OCLN: variants seen among roughly 807,000 people sequenced by gnomAD.
The protein encoded by OCLN is occludin.
Under a neutral mutation model 47.9 loss-of-function variants are expected in OCLN, and 21 were observed. The observed-to-expected ratio is 0.44, with a 90% confidence interval of 0.31 to 0.63. The LOEUF is 0.63. OCLN is among the 30% of genes least tolerant of loss of function. The pLI, the probability that OCLN is intolerant of heterozygous loss-of-function variation, is 0.08. For synonymous variants in OCLN, 117 were observed against 198.4 expected, an observed-to-expected ratio of 0.59 and a Z score of 3.45; for missense variants, 360 against 571.0, an observed-to-expected ratio of 0.63 and a Z score of 3.77.
intron 1 of OCLN, among the ~76,000 whole-genome samples, chr5:69,503,069 G>A: frequency 6.6e-6 from 1 of 152,144 alleles, no homozygotes; most frequent in East Asian, 1.9e-4. Flanking sequence ...AATCAACCAT[G>A]GAGGGTCGTT....
intron 4 of OCLN, among the ~76,000 whole-genome samples, chr5:69,525,253 C>T (rs550327620): frequency 3.4e-4 from 51 of 151,482 alleles, no homozygotes; most frequent in Non-Finnish European, 6.2e-4. Flanking sequence ...TACAGGTGCC[C>T]GCCACCACAC....
intron 1 of OCLN, among the ~76,000 whole-genome samples, chr5:69,502,876 T>C (rs1768498299): frequency 6.6e-6 from 1 of 152,194 alleles, no homozygotes; most frequent in Non-Finnish European, 1.5e-5. Flanking sequence ...TAACACCAGA[T>C]GTGCACTCCC....
intron 2 of OCLN, among the ~76,000 whole-genome samples, chr5:69,505,190 A>G (rs1768565258): frequency 1.3e-5 from 2 of 152,124 alleles, no homozygotes; most frequent in African/African-American, 4.8e-5. Context: ...GCGGAGGTTG[A>G]GGTGAGCTGA....
intron 1 of OCLN, among the ~76,000 whole-genome samples, chr5:69,502,675 A>G (rs1030948622): frequency 1.3e-5 from 2 of 152,188 alleles, no homozygotes; most frequent in Non-Finnish European, 2.9e-5. Context: ...TCTGTAGCTG[A>G]TGTGGGAAGT....
intron 4 of OCLN, among the ~76,000 whole-genome samples, chr5:69,529,532 C>A (rs1430172014): frequency 6.6e-6 from 1 of 152,128 alleles, no homozygotes; most frequent in Non-Finnish European, 1.5e-5. Context: ...ATTAATAATT[C>A]ATACTCCTTA....
Position 69,493,119 on chromosome 5 carries a change from G to C in OCLN, c.-69+219G>C, listed in dbSNP as rs958634065. On this transcript the variant is annotated intron_variant, in intron 1 of 8. Coordinates refer to ENST00000396442, the MANE Select transcript of OCLN (RefSeq NM_001205254.2). The surrounding 1 kb of genome is among the most constrained non-coding windows in gnomAD (Gnocchi z 5.3). ...TGGGAGGCTGCCTCCTGGGGCGAGG[G>C]GTGGCTTGGAGCCGCCGATCAAGCT... Among the ~76,000 whole-genome samples the C allele has an allele frequency of 6.6e-6, 1 of 152,174 alleles. No homozygotes were observed. The highest frequency in any genetic ancestry group is 1.5e-5 in the Non-Finnish European group (1 of 68,032).
rs1234114902 is a variant in OCLN at position 69,548,489 on chromosome 5, A to AT, written c.1425+400dup. Among the ~76,000 whole-genome samples the AT allele has an allele frequency of 3.4e-3, 484 of 142,588 alleles. 3 individuals are homozygous for AT. The highest frequency in any genetic ancestry group is 0.011 in the African/African-American group (423 of 38,306). The allele number at this position is 142,588 out of a possible 152,430, so 93.5% of individuals were successfully genotyped here. On this transcript the variant is annotated intron_variant, in intron 7 of 8. Coordinates refer to ENST00000396442, the MANE Select transcript of OCLN (RefSeq NM_001205254.2). ...CCACCACGCCCGGCTAATTTTTTGT[A>AT]TTTTTTTTTTTTAGTAGAGACGGGG...
At chr5:69,519,974 G>A (rs538100891) in intron 4 of OCLN, among the ~76,000 whole-genome samples, 30 of 152,270 alleles carry the variant, frequency 2.0e-4, no homozygotes, top group African/African-American at 6.3e-4. Context: ...TTGTTTGTTT[G>A]TTTTTGAGAC....
intron 4 of OCLN, among the ~76,000 whole-genome samples, chr5:69,517,496 A>G (rs1769008243): frequency 6.6e-6 from 1 of 151,440 alleles, no homozygotes; most frequent in Non-Finnish European, 1.5e-5. Flanking sequence ...TATTTTTAGG[A>G]GAGATGGGGT....
At chr5:69,508,386 G>A (rs1364701419) in intron 2 of OCLN, among the ~76,000 whole-genome samples, 3 of 151,910 alleles carry the variant, frequency 2.0e-5, no homozygotes, top group Non-Finnish European at 4.4e-5. Flanking sequence ...TGTCACTCAG[G>A]GTAGAGTGCA....
chr5:69,496,384 C>T (rs942915550), intron 1 of OCLN, among the ~76,000 whole-genome samples: 1 of 152,054 alleles, frequency 6.6e-6, no homozygotes, highest in Non-Finnish European at 1.5e-5. Flanking sequence ...AGGCGTGAGC[C>T]ACCGCGCCCG....
chr5:69,512,839 T>C (rs1212139579), intron 3 of OCLN, among the ~76,000 whole-genome samples: 1 of 152,212 alleles, frequency 6.6e-6, no homozygotes, highest in Non-Finnish European at 1.5e-5. Flanking sequence ...TCATACTGAT[T>C]ATATTAATAT....
chr5:69,510,970 A>T (rs570473496), intron 3 of OCLN, among the ~76,000 whole-genome samples: 1 of 152,188 alleles, frequency 6.6e-6, no homozygotes, highest in East Asian at 1.9e-4. Context: ...CTTTATTGTG[A>T]TTTTGATTCG....
intron 4 of OCLN, among the ~76,000 whole-genome samples, chr5:69,515,566 G>A (rs1295395185): frequency 4.4e-4 from 63 of 144,540 alleles, no homozygotes; most frequent in Admixed American, 5.4e-4. Context: ...CCCGGACGGG[G>A]CGGCTGGCCG....
At chr5:69,528,080 G>A (rs1016673746) in intron 4 of OCLN, among the ~76,000 whole-genome samples, 14 of 152,166 alleles carry the variant, frequency 9.2e-5, no homozygotes, top group East Asian at 3.8e-4. Flanking sequence ...ATGTGGGACC[G>A]TCTGCCTTCA....
chr5:69,527,479 G>C (rs1290552648), intron 4 of OCLN, among the ~76,000 whole-genome samples: 1 of 152,140 alleles, frequency 6.6e-6, no homozygotes, highest in Admixed American at 6.5e-5. Context: ...TTTTCTTTTT[G>C]TATTTTTTTG....
chr5:69,495,673 C>T (rs1303287154), intron 1 of OCLN, among the ~76,000 whole-genome samples: 1 of 151,892 alleles, frequency 6.6e-6, no homozygotes, highest in Non-Finnish European at 1.5e-5. Flanking sequence ...TCAAAATAGA[C>T]ATTTGATGTC....
chr5:69,500,126 G>T (rs577292004), intron 1 of OCLN, among the ~76,000 whole-genome samples: 1 of 152,286 alleles, frequency 6.6e-6, no homozygotes, highest in South Asian at 2.1e-4. Context: ...CTGGATAAGC[G>T]TGTCTCCTCC....
At chr5:69,533,088 TAC>T (rs527907847) in intron 4 of OCLN, among the ~76,000 whole-genome samples, 1,362 of 124,544 alleles carry the variant, frequency 0.011, 12 homozygotes, top group Middle Eastern at 0.023. Flanking sequence ...TATATATATA[TAC>T]ACACACACAC....
Sources: gnomAD v4.1 joint callset for allele counts (sites outside exome capture counted in the v4.1 genomes callset) on GRCh38, gnomAD v4.1.1 for gene constraint, Gnocchi (gnomAD v3.1) non-coding constraint, MANE v1.5 for transcripts, NCBI Gene and HGNC (gene_info 2026-07-23, HGNC 2026-07-21) for gene names.